Variants in GDI2 observed in about 807,000 individuals in gnomAD.
GDI2 encodes GDP dissociation inhibitor 2.
A neutral mutation model predicts 54.2 loss-of-function variants in GDI2; 22 were observed. The observed-to-expected ratio is 0.41, with a 90% confidence interval of 0.29 to 0.58. The LOEUF is 0.58. Ranked by LOEUF, GDI2 falls within the 20% of genes least tolerant of loss-of-function variation. The probability of loss-of-function intolerance (pLI) is 0.35; values close to 1 mark genes in which losing one functional copy is unlikely to be tolerated. For missense variants in GDI2, 422 were observed against 546.0 expected, an observed-to-expected ratio of 0.77 and a Z score of 2.26; for synonymous variants, 177 against 182.1, an observed-to-expected ratio of 0.97 and a Z score of 0.23.
At chr10:5,809,244 C>CAAAAAAAAACAA (rs1554791053) in intron 1 of GDI2, among the ~76,000 whole-genome samples, 13 of 134,218 alleles carry the variant, frequency 9.7e-5, no homozygotes, top group East Asian at 2.2e-4. Context: ...GACTCCATCT[C>CAAAAAAAAACAA]AAAAAAAAAC....
intron 4 of GDI2, 73 bp from the exon 5 acceptor site, chr10:5,786,123 G>C (rs1372139295): frequency 6.7e-6 from 5 of 751,710 alleles, no homozygotes; most frequent in Non-Finnish European, 1.1e-5. Flanking sequence ...TGAGAGCAAA[G>C]TTTAAACATG....
At chr10:5,787,679 G>A (rs997987240) in intron 4 of GDI2, among the ~76,000 whole-genome samples, 6 of 152,240 alleles carry the variant, frequency 3.9e-5, no homozygotes, top group African/African-American at 1.4e-4. Flanking sequence ...AGACACAAGT[G>A]TAGTTGTAAG....
chr10:5,774,687 T>A lies in GDI2; in HGVS notation c.720-746A>T, dbSNP rs902814367. 2.0e-5 allele frequency among the ~76,000 whole-genome samples: 3 copies of A among 152,104 alleles called. No homozygotes were observed. The highest frequency in any genetic ancestry group is 4.4e-5 in the Non-Finnish European group (3 of 68,016). ...ATGGCCCTCCTGGACAGGAGGCTCGTGAGTGTGGTGAGGCTAAAGCCTAAA... is the reference window on the plus strand; with the variant it reads ...ATGGCCCTCCTGGACAGGAGGCTCGAGAGTGTGGTGAGGCTAAAGCCTAAA... On this transcript the variant is annotated intron_variant, in intron 6 of 10. Transcript: ENST00000380191. The surrounding 1 kb of genome is among the most constrained non-coding windows in gnomAD (Gnocchi z 4.8).
In GDI2 at chr10:5,813,323, A is replaced by C. The variant is rs925349528; in HGVS notation, c.-65T>G. ...GGCGCAGGGGCTCCGTGACCACCCT[A>C]CGAGGCTGGGAGGCGCTCTTGGGCG... On this transcript the variant is annotated 5_prime_UTR_variant, in exon 1 of 11. Transcript: ENST00000380191. 4 of 1,233,228 alleles carry C rather than the reference A, an allele frequency of 3.2e-6. No individual in the cohort carries two copies. The highest frequency in any genetic ancestry group is 4.6e-6 in the Non-Finnish European group (4 of 863,494). The allele number at this position is 1,233,228 out of a possible 1,614,324, so 76.4% of individuals were successfully genotyped here.
In GDI2 at chr10:5,766,227, A is replaced by G; in HGVS notation, c.1191+14T>C. 6.2e-7 allele frequency: 1 copy of G among 1,612,288 alleles called. No homozygotes were observed. On this transcript the variant is annotated intron_variant, in intron 10 of 10. Coordinates refer to ENST00000380191, the MANE Select transcript of GDI2 (RefSeq NM_001494.4). The surrounding 1 kb of genome is among the most constrained non-coding windows in gnomAD (Gnocchi z 5.8). ...GTGAAACCTGCCCATATCCTTTCAC[A>G]CTTCCATACTCACCTGGCTTTCTGT... is the stretch of plus-strand genomic sequence containing the variant.
chr10:5,805,148 C>T (rs985656470), intron 1 of GDI2, among the ~76,000 whole-genome samples: 1 of 151,878 alleles, frequency 6.6e-6, no homozygotes, highest in African/African-American at 2.4e-5. Context: ...GGGAGCTTTT[C>T]AGAGTGTATG....
intron 4 of GDI2, among the ~76,000 whole-genome samples, chr10:5,786,835 T>G (rs908559320): frequency 6.6e-6 from 1 of 152,204 alleles, no homozygotes; most frequent in Non-Finnish European, 1.5e-5. Flanking sequence ...CAAATTGACC[T>G]CGATAAAATT....
chr10:5,772,736 G>A (rs112703428), intron 7 of GDI2, among the ~76,000 whole-genome samples: 5 of 152,230 alleles, frequency 3.3e-5, no homozygotes, highest in South Asian at 2.1e-4. Flanking sequence ...CAGCCTCGGC[G>A]ACAGAGCAAA....
intron 5 of GDI2, among the ~76,000 whole-genome samples, chr10:5,785,603 T>C (rs570771430): frequency 2.0e-5 from 3 of 152,298 alleles, no homozygotes; most frequent in African/African-American, 7.2e-5. Context: ...CTTGAACTCC[T>C]GACCTCAAAT....
rs527702832 is a variant in GDI2, at chr10:5,786,458, C to T, written c.389-408G>A. Among the ~76,000 whole-genome samples, 7 of 151,890 alleles carry T rather than the reference C, an allele frequency of 4.6e-5. No individual in the cohort carries two copies. In the South Asian group the frequency reaches 6.2e-4, roughly 14 times the overall value. ...CTGAGATTACAGGCATGAGCCACCG[C>T]GCCTAAAATGCAGGATGCAATTTAA... On this transcript the variant is annotated intron_variant, in intron 4 of 10. Coordinates refer to ENST00000380191, the MANE Select transcript of GDI2 (RefSeq NM_001494.4).
intron 4 of GDI2, among the ~76,000 whole-genome samples, chr10:5,788,276 G>T (rs1343438837): frequency 6.6e-6 from 1 of 151,860 alleles, no homozygotes; most frequent in Non-Finnish European, 1.5e-5. Flanking sequence ...TGGAATCACA[G>T]GTGTGAGCCA....
intron 1 of GDI2, among the ~76,000 whole-genome samples, chr10:5,807,836 TA>T (rs1841406898): frequency 6.6e-6 from 1 of 152,178 alleles, no homozygotes; most frequent in Admixed American, 6.5e-5. Context: ...AACACCCAAA[TA>T]TATTAGACAA....
intron 4 of GDI2, among the ~76,000 whole-genome samples, chr10:5,790,230 A>G (rs1320510844): frequency 6.6e-6 from 1 of 152,176 alleles, no homozygotes; most frequent in African/African-American, 2.4e-5. Context: ...CATACAACCT[A>G]AACTTTTGGT....
chr10:5,794,861 A>G (rs770392513), intron 4 of GDI2, 24 bp downstream of exon 4: 1 of 1,512,054 alleles, frequency 6.6e-7, no homozygotes, highest in South Asian at 1.1e-5. Context: ...AAAACTAGTT[A>G]CTAGAGAAAA....
In GDI2 at chr10:5,803,840, T is replaced by A. The variant is rs548385290; in HGVS notation, c.46-3135A>T. The stretch of plus-strand genomic sequence containing the variant: ...AGGGTTTGAGTGATCAGTGCTTTAT[T>A]TCTTAAAGAGACAAAGGAAATTCCA... On this transcript the variant is annotated intron_variant, in intron 1 of 10. Transcript: ENST00000380191. Among the ~76,000 whole-genome samples the A allele has an allele frequency of 8.5e-5, 13 of 152,296 alleles. No individual in the cohort carries two copies. In the South Asian group the frequency reaches 2.7e-3, roughly 32 times the overall value.
At chr10:5,788,764 A>C (rs1840934826) in intron 4 of GDI2, among the ~76,000 whole-genome samples, 1 of 138,876 alleles carries the variant, frequency 7.2e-6, no homozygotes. Context: ...GGAGGTTTGC[A>C]TGTTTTTTTT....
Position 5,765,777 on chromosome 10 carries a change from AAAG to A in GDI2, c.*226_*228del, listed in dbSNP as rs1210730500. On this transcript the variant is annotated 3_prime_UTR_variant, in exon 11 of 11. Coordinates refer to ENST00000380191, the MANE Select transcript of GDI2 (RefSeq NM_001494.4). ...TTGTTTAACTTCACTAGAAAAAAAA[AAAG>A]CCAGTTTGGTTAAATTGAACAGAAT... 4.4e-6 allele frequency: 2 copies of A among 459,582 alleles called. No homozygotes were observed. The highest frequency in any genetic ancestry group is 7.6e-6 in the Non-Finnish European group (2 of 264,550). 28.5% of individuals were successfully genotyped at this position (459,582 alleles called of 1,614,324 possible).
intron 1 of GDI2, among the ~76,000 whole-genome samples, chr10:5,808,075 G>A (rs1037704582): frequency 2.0e-5 from 3 of 152,140 alleles, no homozygotes; most frequent in Non-Finnish European, 4.4e-5. Context: ...GGTGGCTCAC[G>A]CCTGTAATCC....
chr10:5,807,997 C>A (rs1367488867), intron 1 of GDI2, among the ~76,000 whole-genome samples: 1 of 152,128 alleles, frequency 6.6e-6, no homozygotes, highest in Non-Finnish European at 1.5e-5. Context: ...GGGAATAGAG[C>A]CAAAATTTAT....
Sources: allele counts gnomAD v4.1 joint callset (sites outside exome capture counted in the v4.1 genomes callset), GRCh38; gene constraint gnomAD v4.1.1; non-coding constraint Gnocchi (gnomAD v3.1); transcripts MANE v1.5; gene names NCBI Gene and HGNC (gene_info 2026-07-23, HGNC 2026-07-21).